Variants in GSE1 observed in about 807,000 individuals in gnomAD.
GSE1 encodes Gse1 coiled-coil protein.
In GSE1, 32 loss-of-function variants were observed where a neutral mutation model predicts 112.6. The observed-to-expected ratio is 0.28, with a 90% CI of 0.21 to 0.38. GSE1 has a LOEUF of 0.38. Ranked by LOEUF, GSE1 falls within the 10% of genes least tolerant of loss-of-function variation. GSE1 has a pLI of 1.00. For synonymous variants in GSE1, 1,115 were observed against 735.6 expected, an observed-to-expected ratio of 1.52 and a Z score of -8.35; for missense variants, 2,348 against 1,699.2, an observed-to-expected ratio of 1.38 and a Z score of -6.71.
intron 1 of GSE1, among the ~76,000 whole-genome samples, chr16:85,318,454 G>A (rs893028224): frequency 6.6e-6 from 1 of 152,030 alleles, no homozygotes; most frequent in Non-Finnish European, 1.5e-5. Flanking sequence ...TTGTAAAGTG[G>A]GAACCTCCCT....
At chr16:85,575,372 G>A (rs938927073) in intron 1 of GSE1, among the ~76,000 whole-genome samples, 44 of 152,244 alleles carry the variant, frequency 2.9e-4, no homozygotes, top group African/African-American at 9.4e-4. Flanking sequence ...TCCTGGTTCC[G>A]GAGATTATTT....
intron 1 of GSE1, among the ~76,000 whole-genome samples, chr16:85,341,586 AG>A (rs2046625133): frequency 6.6e-6 from 1 of 152,060 alleles, no homozygotes; most frequent in Non-Finnish European, 1.5e-5. Flanking sequence ...TGAACCCGGG[AG>A]GCAGAGGTGC....
At chr16:85,409,410 C>A (rs2048428024) in intron 2 of GSE1, among the ~76,000 whole-genome samples, 1 of 38,702 alleles carries the variant, frequency 2.6e-5, no homozygotes, top group Non-Finnish European at 5.2e-5. Context: ...CTCAGGGCCC[C>A]CCTGGATAAT....
chr16:85,190,737 T>A (rs1159098299), intron 1 of GSE1, among the ~76,000 whole-genome samples: 1 of 152,198 alleles, frequency 6.6e-6, no homozygotes, highest in East Asian at 1.9e-4. Context: ...GCAATAGATA[T>A]CCTGGTATTT....
At chr16:85,627,818 C>T (rs926670089) in intron 1 of GSE1, among the ~76,000 whole-genome samples, 1 of 152,226 alleles carries the variant, frequency 6.6e-6, no homozygotes. Context: ...ATAAATACCT[C>T]TCTAATGAGG....
At position 85,293,471 on chromosome 16, in the gene GSE1, G is replaced by A. The variant is rs562627478; in HGVS notation, c.2284-63992G>A. ...TGAGGCAGGAGAATCGCTTGAACCCGGGAGGTGGAGGTTACAGTGAGCTGA... is the reference window on the plus strand; with the variant it reads ...TGAGGCAGGAGAATCGCTTGAACCCAGGAGGTGGAGGTTACAGTGAGCTGA... On this transcript the variant is annotated intron_variant, in intron 1 of 2. Transcript: ENST00000637419. 4.1e-3 allele frequency among the ~76,000 whole-genome samples: 618 copies of A among 152,250 alleles called. 5 individuals carry two copies. Among genetic ancestry groups the A allele is most frequent in the Middle Eastern group, 0.01 (3 of 294 alleles).
In GSE1 at chr16:85,661,384, C is replaced by A. The variant is rs757859891; in HGVS notation, c.1879C>A (p.Arg627=). Reference sequence around the variant, plus strand: ...AGCCGTGCCGCTGGTGAAGGTGGAGCGGGTCTTCTGCCCGGAGAAAGCAGA... The same window carrying A: ...AGCCGTGCCGCTGGTGAAGGTGGAGAGGGTCTTCTGCCCGGAGAAAGCAGA... ...QAAVPLVKVE[R]VFCPEKAEEG... The change falls in exon 9 of 16, where the codon CGG becomes AGG. Residue 627 remains arginine (R), a synonymous_variant. Transcript: ENST00000253458. The A allele has an allele frequency of 4.3e-6, 7 of 1,612,306 alleles. No homozygotes were observed. In the East Asian group the frequency reaches 1.3e-4, roughly 31 times the overall value.
At chr16:85,569,224 C>T (rs556584874) in intron 1 of GSE1, among the ~76,000 whole-genome samples, 23 of 152,338 alleles carry the variant, frequency 1.5e-4, no homozygotes, top group East Asian at 5.8e-4. Flanking sequence ...CTGCCTAGAG[C>T]GCTGAGCCCA....
intron 1 of GSE1, among the ~76,000 whole-genome samples, chr16:85,340,868 G>A (rs28465210): frequency 1.3e-5 from 2 of 152,148 alleles, no homozygotes; most frequent in East Asian, 1.9e-4. Context: ...CTCCACTCCC[G>A]GCTCTGCCCA....
At chr16:85,179,667 C>T (rs1229485066) in intron 1 of GSE1, among the ~76,000 whole-genome samples, 1 of 152,152 alleles carries the variant, frequency 6.6e-6, no homozygotes, top group Non-Finnish European at 1.5e-5. Context: ...ATCACTTCTG[C>T]CTGCAGTCCA....
chr16:85,509,456 C>T (rs2051659598), intron 2 of GSE1, among the ~76,000 whole-genome samples: 2 of 152,238 alleles, frequency 1.3e-5, no homozygotes, highest in African/African-American at 4.8e-5. Flanking sequence ...AAGGCCAAGG[C>T]CCTCCCAGCC....
intron 1 of GSE1, among the ~76,000 whole-genome samples, chr16:85,598,041 G>A (rs2047307137): frequency 6.6e-6 from 1 of 152,094 alleles, no homozygotes; most frequent in South Asian, 2.1e-4. Flanking sequence ...CTGGTGCACT[G>A]AAGAAGCGAT....
intron 2 of GSE1, among the ~76,000 whole-genome samples, chr16:85,497,981 C>T (rs1325237327): frequency 1.3e-5 from 2 of 151,872 alleles, no homozygotes; most frequent in South Asian, 2.1e-4. Flanking sequence ...GGGGAGCGGG[C>T]GACGAGGGAC....
chr16:85,509,480 G>A (rs1242685839), intron 2 of GSE1, among the ~76,000 whole-genome samples: 2 of 152,236 alleles, frequency 1.3e-5, no homozygotes, highest in Admixed American at 1.3e-4. Context: ...TCCAGAGTAC[G>A]AAGGGGTCAT....
At chr16:85,481,161 T>C (rs2050670589) in intron 2 of GSE1, among the ~76,000 whole-genome samples, 1 of 152,162 alleles carries the variant, frequency 6.6e-6, no homozygotes, top group African/African-American at 2.4e-5. Flanking sequence ...GCAGCTGAGG[T>C]CAGAGCCAGG....
chr16:85,278,129 G>A (rs991298342), intron 1 of GSE1, among the ~76,000 whole-genome samples: 12 of 152,246 alleles, frequency 7.9e-5, no homozygotes, highest in African/African-American at 2.7e-4. Context: ...GGAGGAGAGG[G>A]GTCCATGTCC....
chr16:85,246,325 ACACACACCCC>A lies in GSE1; in HGVS notation c.2283+74520_2283+74529del, dbSNP rs1208289163. 1.3e-3 allele frequency among the ~76,000 whole-genome samples: 115 copies of A among 86,214 alleles called. 3 individuals are homozygous for A. Among genetic ancestry groups the A allele is most frequent in the Middle Eastern group, 5.4e-3 (1 of 186 alleles). The allele number at this position is 86,214 out of a possible 152,430, so 56.6% of individuals were successfully genotyped here. ...ACACGCTGTCTACACACACACACAC[ACACACACCCC>A]CCACACGCTGTCTACACACACACAC... On this transcript the variant is annotated intron_variant, in intron 1 of 2. Coordinates refer to the GSE1 transcript ENST00000637419.
At chr16:85,480,899 C>G (rs557216575) in intron 2 of GSE1, among the ~76,000 whole-genome samples, 8 of 152,354 alleles carry the variant, frequency 5.3e-5, no homozygotes, top group African/African-American at 1.9e-4. Context: ...CAGCTGGGCT[C>G]CACGCTGAGC....
chr16:85,646,178 T>A (rs1272098765), intron 2 of GSE1, among the ~76,000 whole-genome samples: 1 of 145,250 alleles, frequency 6.9e-6, no homozygotes, highest in Non-Finnish European at 1.5e-5. Context: ...ATGCATGCAT[T>A]CTACCTGCTT....
Sources: allele counts gnomAD v4.1 joint callset (sites outside exome capture counted in the v4.1 genomes callset), GRCh38; gene constraint gnomAD v4.1.1; transcripts MANE v1.5; gene names NCBI Gene and HGNC (gene_info 2026-07-23, HGNC 2026-07-21).